Variants in FAM83G observed in about 807,000 individuals in gnomAD.
The protein encoded by FAM83G is protein FAM83G.
FAM83G carries 38 observed loss-of-function variants against 61.5 expected under a neutral mutation model. The ratio of observed to expected loss-of-function variants is 0.62; its 90% confidence interval spans 0.48 to 0.81. The LOEUF is 0.81. FAM83G is among the 30% of genes least tolerant of loss of function. The pLI, the probability that FAM83G is intolerant of heterozygous loss-of-function variation, is 0.00. For synonymous variants in FAM83G, 470 were observed against 476.1 expected (o/e 0.99, Z 0.17); for missense variants, 989 against 1,133.6 (o/e 0.87, Z 1.83).
chr17:18,985,542 G>T (rs1365633439), intron 3 of FAM83G, among the ~76,000 whole-genome samples: 1 of 152,144 alleles, frequency 6.6e-6, no homozygotes, highest in Non-Finnish European at 1.5e-5. Flanking sequence ...AGTGCTCCCG[G>T]GACAGGTCTG....
chr17:18,977,458 T>A (rs1386169929), intron 5 of FAM83G, 126 bp downstream of exon 5: 25 of 970,680 alleles, frequency 2.6e-5, no homozygotes, highest in Non-Finnish European at 3.6e-5. Flanking sequence ...AGTTTCCCCA[T>A]CTGTAACAAG....
intron 3 of FAM83G, among the ~76,000 whole-genome samples, chr17:18,981,723 A>C (rs974342137): frequency 1.3e-5 from 2 of 152,194 alleles, no homozygotes; most frequent in Non-Finnish European, 2.9e-5. Flanking sequence ...CATAGGGCCC[A>C]GTGCAGAAGG....
chr17:18,994,451 G>A (rs1001330276), intron 2 of FAM83G, among the ~76,000 whole-genome samples: 1 of 152,172 alleles, frequency 6.6e-6, no homozygotes, highest in Admixed American at 6.5e-5. Flanking sequence ...TGCACAGAGT[G>A]AACTCCAGAG....
intron 2 of FAM83G, among the ~76,000 whole-genome samples, chr17:18,990,640 C>A (rs956855720): frequency 6.6e-6 from 1 of 152,222 alleles, no homozygotes; most frequent in African/African-American, 2.4e-5. Flanking sequence ...GATCCAGGGA[C>A]CATCTGCTGT....
At chr17:18,998,968 T>C (rs945880327) in intron 2 of FAM83G, among the ~76,000 whole-genome samples, 4 of 152,234 alleles carry the variant, frequency 2.6e-5, no homozygotes, top group African/African-American at 9.6e-5. Context: ...AGTATTTAGC[T>C]GCCAAGGAGC....
rs541213709 is a variant in FAM83G at position 18,996,185 on chromosome 17, T to C, written c.522+7335A>G. On this transcript the variant is annotated intron_variant, in intron 2 of 5. Coordinates refer to ENST00000388995, the MANE Select transcript of FAM83G (RefSeq NM_001039999.3). The surrounding 1 kb of genome is among the most constrained non-coding windows in gnomAD (Gnocchi z 4.4). ...ATTTTATACCCAGTAAAAATACATT[T>C]CAAAACAAAAGGCAAACTAAAGACT... Among the ~76,000 whole-genome samples, 70 of 151,746 alleles carry C rather than the reference T, an allele frequency of 4.6e-4. No homozygotes were observed. The highest frequency in any genetic ancestry group is 1.6e-3 in the African/African-American group (66 of 41,358).
At chr17:18,999,052 G>A (rs1476345355) in intron 2 of FAM83G, among the ~76,000 whole-genome samples, 1 of 152,204 alleles carries the variant, frequency 6.6e-6, no homozygotes, top group Non-Finnish European at 1.5e-5. Flanking sequence ...GGCAGAGGCG[G>A]GTGGATCACA....
At chr17:18,984,633 C>T (rs2043224234) in intron 3 of FAM83G, among the ~76,000 whole-genome samples, 1 of 152,236 alleles carries the variant, frequency 6.6e-6, no homozygotes, top group Non-Finnish European at 1.5e-5. Flanking sequence ...TGCACGAAGT[C>T]AACTGGCTTT....
chr17:18,979,666 C>G lies in FAM83G; in HGVS notation c.698G>C (p.Arg233Thr), dbSNP rs200238363. Reference protein sequence around the residue: ...CMHLGHLKNLRVRSSGGTEFF... With the variant: ...CMHLGHLKNLTVRSSGGTEFF... ...CTCAGTTCCCCCGCTGCTCCGCACTCTGAGATTCTGTTTTGGGAACCAAGA... is the reference window on the plus strand; with the variant it reads ...CTCAGTTCCCCCGCTGCTCCGCACTGTGAGATTCTGTTTTGGGAACCAAGA... The change falls in exon 4 of 6, where the codon AGA becomes ACA. Residue 233 changes from arginine to threonine, a missense_variant. Around this residue, in one of 3 missense-constraint regions of FAM83G, gnomAD observed 371 missense variants for 404.5 expected, o/e 0.92. Transcript: ENST00000388995. 80 of 1,613,260 alleles carry G rather than the reference C, an allele frequency of 5.0e-5. No individual in the cohort carries two copies. The highest frequency in any genetic ancestry group is 6.4e-5 in the Non-Finnish European group (76 of 1,179,978).
intron 5 of FAM83G, among the ~76,000 whole-genome samples, chr17:18,973,594 C>G (rs574633992): frequency 1.3e-5 from 2 of 152,346 alleles, no homozygotes; most frequent in African/African-American, 4.8e-5. Context: ...TTTAGGGGCA[C>G]CTAGAGGTCT....
In FAM83G at chr17:18,968,883, C is replaced by T; in HGVS notation, c.*2476G>A. 1.6e-6 allele frequency: 1 copy of T among 616,826 alleles called. No individual in the cohort carries two copies. Among genetic ancestry groups the T allele is most frequent in the Non-Finnish European group, 2.8e-6 (1 of 355,130 alleles). The allele number at this position is 616,826 out of a possible 1,614,324, so 38.2% of individuals were successfully genotyped here. A position where few individuals can be genotyped will look rare whatever the true frequency, so the allele number is the denominator to read the frequency against. On this transcript the variant is annotated 3_prime_UTR_variant, in exon 6 of 6. Coordinates refer to ENST00000388995, the MANE Select transcript of FAM83G (RefSeq NM_001039999.3). The surrounding 1 kb of genome is among the most constrained non-coding windows in gnomAD (Gnocchi z 4.1). ...TTGTAGCTCCACGGCCAGGTCTTCC[C>T]CCAACCTCACAATGGCCCCGTGATG...
At chr17:19,005,343 C>A (rs1340639560), upstream of FAM83G, among the ~76,000 whole-genome samples, 2 of 152,192 alleles carry the variant, frequency 1.3e-5, no homozygotes, top group African/African-American at 4.8e-5. Flanking sequence ...GCCAAGAGGG[C>A]CGCTGTGGGC....
At position 18,969,763 on chromosome 17, in the gene FAM83G, G is replaced by A. The variant is rs1328932757; in HGVS notation, c.*1596C>T. The A allele has an allele frequency of 3.5e-6, 1 of 283,140 alleles. No individual in the cohort carries two copies. The allele number at this position is 283,140 out of a possible 1,614,324, so 17.5% of individuals were successfully genotyped here. A position where few individuals can be genotyped will look rare whatever the true frequency, so the allele number is the denominator to read the frequency against. ...AGGCGGGTGTGAAGGCACACAACCA[G>A]GAGGCCATAAAACTGCCTGGGCAGC... is the stretch of plus-strand genomic sequence containing the variant. On this transcript the variant is annotated 3_prime_UTR_variant, in exon 6 of 6. Coordinates refer to ENST00000388995, the MANE Select transcript of FAM83G (RefSeq NM_001039999.3).
chr17:18,999,432 G>A (rs2043666389), intron 2 of FAM83G, among the ~76,000 whole-genome samples: 1 of 152,204 alleles, frequency 6.6e-6, no homozygotes, highest in Admixed American at 6.5e-5. Context: ...CTGCAGACTG[G>A]GGGTCTCGGC....
In FAM83G at chr17:18,977,721, G is replaced by A; in HGVS notation, c.1945C>T (p.Leu649=). 1 of 1,608,638 alleles carries A rather than the reference G, an allele frequency of 6.2e-7. No individual in the cohort carries two copies. Among genetic ancestry groups the A allele is most frequent in the Non-Finnish European group, 8.5e-7 (1 of 1,178,384 alleles). The change falls in exon 5 of 6, where the codon CTG becomes TTG. Residue 649 remains leucine (L), a synonymous_variant. Coordinates refer to ENST00000388995, the MANE Select transcript of FAM83G (RefSeq NM_001039999.3). ...CCTCGGGTTATATGGGGGGCACTCA[G>A]CTGCCGGCGCGGTGGTGGGGTTGGC... is the stretch of plus-strand genomic sequence containing the variant. ...NGPTPPPRRQ[L]SAPHITRGTF...
rs1282603057 is a variant in FAM83G, at chr17:18,974,206, AG to A, written c.2083-2459del. The stretch of plus-strand genomic sequence containing the variant: ...ATGCCCAGCCAATTTTTGTATTTTT[AG>A]TAGAAATGGGGTTTCACCATGTTGG... On this transcript the variant is annotated intron_variant, in intron 5 of 5. Coordinates refer to ENST00000388995, the MANE Select transcript of FAM83G (RefSeq NM_001039999.3). 3.9e-5 allele frequency among the ~76,000 whole-genome samples: 6 copies of A among 152,088 alleles called. No homozygotes were observed. In the East Asian group the frequency reaches 1.2e-3, roughly 29 times the overall value.
chr17:18,973,645 A>G (rs1272378902), intron 5 of FAM83G, among the ~76,000 whole-genome samples: 2 of 152,186 alleles, frequency 1.3e-5, no homozygotes, highest in Admixed American at 6.5e-5. Flanking sequence ...CCTCAAAGAT[A>G]GCCACAGTCT....
rs917453627 is a variant in FAM83G, at chr17:19,000,504, G to T, written c.522+3016C>A. Among the ~76,000 whole-genome samples the T allele has an allele frequency of 6.6e-6, 1 of 152,172 alleles. No individual in the cohort carries two copies. Among genetic ancestry groups the T allele is most frequent in the Non-Finnish European group, 1.5e-5 (1 of 68,020 alleles). On this transcript the variant is annotated intron_variant, in intron 2 of 5. Coordinates refer to ENST00000388995, the MANE Select transcript of FAM83G (RefSeq NM_001039999.3). This position sits in a 1 kb window ranked among gnomAD's most constrained non-coding sequence, Gnocchi z 5.2. ...ATTCTAGTCATTTGGGAACAGGGGG[G>T]ACTGACAGCAGTCCTGACAGGAACA...
chr17:18,990,695 A>C (rs557266866), intron 2 of FAM83G, among the ~76,000 whole-genome samples: 26 of 152,286 alleles, frequency 1.7e-4, no homozygotes, highest in African/African-American at 5.5e-4. Context: ...GGATCCCCCC[A>C]CAGTCCTGGC....
Sources: gnomAD v4.1 joint callset for allele counts (sites outside exome capture counted in the v4.1 genomes callset) on GRCh38, gnomAD v4.1.1 for gene constraint, gnomAD v4.1.1 regional missense constraint, Gnocchi (gnomAD v3.1) non-coding constraint, MANE v1.5 for transcripts, NCBI Gene and HGNC (gene_info 2026-07-23, HGNC 2026-07-21) for gene names.